Variants in CSMD3 observed in about 807,000 individuals in gnomAD.
CSMD3 encodes the protein CUB and Sushi multiple domains 3.
In CSMD3, 177 loss-of-function variants were observed where a neutral mutation model predicts 435.2. That is an observed-to-expected ratio of 0.41 (90% CI 0.36 to 0.46). CSMD3 has a LOEUF of 0.46. Among genes scored for constraint, CSMD3 ranks in the 20% least tolerant of loss-of-function variants. CSMD3 has a pLI of 0.34. For synonymous variants in CSMD3, 1,656 were observed against 1,520.5 expected (o/e 1.09, Z -2.07); for missense variants, 4,265 against 4,504.6 (o/e 0.95, Z 1.52).
rs186315870 is a variant in CSMD3, at chr8:113,320,794, T to C, written c.179-6001A>G. Among the ~76,000 whole-genome samples the C allele has an allele frequency of 4.9e-3, 741 of 152,224 alleles. 1 individual carries two copies. The highest frequency in any genetic ancestry group is 0.016 in the African/African-American group (658 of 41,568). ...TAAATTTCTGTCTTCATCTGTCTTC[T>C]CTATTTTGCAGGCTTCTTAGCAACC... is the stretch of plus-strand genomic sequence containing the variant. On this transcript the variant is annotated intron_variant, in intron 1 of 70. Transcript: ENST00000297405.
intron 35 of CSMD3, among the ~76,000 whole-genome samples, chr8:112,397,484 G>A (rs62514456): frequency 0.2 from 31,151 of 152,028 alleles, 3,915 homozygotes; most frequent in East Asian, 0.44. Flanking sequence ...TTCTATTCAG[G>A]CCATAGCAAA....
In CSMD3 at chr8:112,870,443, C is replaced by T. The variant is rs866841053; in HGVS notation, c.1634-11177G>A. ...GCCACCACATCCGGCTAATTTTTTG[C>T]ATTTTTTTTTTTTTAGTAGAGACGG... On this transcript the variant is annotated intron_variant, in intron 10 of 70. Transcript: ENST00000297405. Among the ~76,000 whole-genome samples, 23 of 149,096 alleles carry T rather than the reference C, an allele frequency of 1.5e-4. No individual in the cohort carries two copies. The South Asian group carries it at 2.5e-3, about 16-fold the overall frequency.
chr8:112,650,323 A>G lies in CSMD3; in HGVS notation c.3031T>C (p.Leu1011=), dbSNP rs773978069. Residue 1011 remains leucine, a synonymous_variant, in exon 19 of 71, where the codon TTG becomes CTG. Transcript: ENST00000297405. ...ESVTVNTYSC[L]DPGIPVHGRR... ...CCATGTACAGGTATGCCAGGGTCCA[A>G]ACAAGAATACGTGTTCACTGTAACA... 3 of 1,613,896 alleles carry G rather than the reference A, an allele frequency of 1.9e-6. No individual in the cohort carries two copies. The highest frequency in any genetic ancestry group is 1.7e-4 in the Middle Eastern group (1 of 6,060).
At chr8:112,782,227 AT>A (rs889918621) in intron 13 of CSMD3, among the ~76,000 whole-genome samples, 11 of 150,462 alleles carry the variant, frequency 7.3e-5, no homozygotes, top group African/African-American at 2.7e-4. Context: ...ATAAAAAAAA[AT>A]TAACACATAG....
At chr8:112,517,903 G>A (rs896110357) in intron 27 of CSMD3, among the ~76,000 whole-genome samples, 11 of 152,208 alleles carry the variant, frequency 7.2e-5, no homozygotes, top group African/African-American at 2.4e-4. Context: ...CACAGCAATT[G>A]CACTCTTGAA....
chr8:113,140,380 A>C (rs1363088513), intron 4 of CSMD3, among the ~76,000 whole-genome samples: 2 of 150,816 alleles, frequency 1.3e-5, no homozygotes, highest in Admixed American at 6.7e-5. Flanking sequence ...AGAATATGGA[A>C]CAACTCAGTA....
At chr8:112,370,116 T>C (rs1047810106) in intron 38 of CSMD3, among the ~76,000 whole-genome samples, 38 of 151,156 alleles carry the variant, frequency 2.5e-4, no homozygotes, top group Admixed American at 3.3e-4. Context: ...GGTATTTGTA[T>C]ACTCAGTGAT....
At chr8:112,405,468 A>C (rs1173150473) in intron 35 of CSMD3, among the ~76,000 whole-genome samples, 3 of 151,136 alleles carry the variant, frequency 2.0e-5, no homozygotes, top group Non-Finnish European at 4.4e-5. Flanking sequence ...TTCTATGTCT[A>C]TGGAACTCTA....
At chr8:113,035,779 G>C (rs556979817) in intron 5 of CSMD3, among the ~76,000 whole-genome samples, 1 of 152,050 alleles carries the variant, frequency 6.6e-6, no homozygotes, top group Non-Finnish European at 1.5e-5. Flanking sequence ...AAAAGGATCA[G>C]AGGTATTTGA....
intron 5 of CSMD3, among the ~76,000 whole-genome samples, chr8:113,051,577 C>G (rs1007291010): frequency 6.6e-6 from 1 of 152,074 alleles, no homozygotes; most frequent in African/African-American, 2.4e-5. Flanking sequence ...AATATACAAA[C>G]AGATATTTGT....
chr8:112,335,272 T>TAA, intron 45 of CSMD3, 57 bp downstream of exon 45: 2 of 1,536,778 alleles, frequency 1.3e-6, no homozygotes, highest in Non-Finnish European at 9.0e-7. Context: ...CATTCACTTT[T>TAA]TTCCAGGACA....
intron 16 of CSMD3, among the ~76,000 whole-genome samples, chr8:112,677,063 G>C (rs1411529190): frequency 6.6e-6 from 1 of 152,100 alleles, no homozygotes; most frequent in Non-Finnish European, 1.5e-5. Context: ...GAGACAGAAT[G>C]TCAATCGAAA....
At chr8:112,542,503 C>A (rs1228092241) in intron 27 of CSMD3, among the ~76,000 whole-genome samples, 1 of 151,880 alleles carries the variant, frequency 6.6e-6, no homozygotes, top group Non-Finnish European at 1.5e-5. Context: ...AATTGTGTTT[C>A]TATATACACT....
At chr8:113,293,565 T>C (rs369983577) in intron 2 of CSMD3, among the ~76,000 whole-genome samples, 1 of 152,114 alleles carries the variant, frequency 6.6e-6, no homozygotes, top group Non-Finnish European at 1.5e-5. Context: ...GCATGGTACA[T>C]GGCACACACA....
intron 42 of CSMD3, among the ~76,000 whole-genome samples, chr8:112,341,245 A>C (rs139471521): frequency 3.9e-5 from 6 of 152,094 alleles, no homozygotes; most frequent in Admixed American, 6.6e-5. Flanking sequence ...GACTAATTCA[A>C]TCCAGTTTCA....
intron 3 of CSMD3, among the ~76,000 whole-genome samples, chr8:113,224,220 A>C (rs2093001256): frequency 6.6e-6 from 1 of 151,216 alleles, no homozygotes; most frequent in African/African-American, 2.4e-5. Context: ...TCAACATTTT[A>C]ATCTAACTTT....
chr8:113,419,183 A>G (rs1185361517), intron 1 of CSMD3, among the ~76,000 whole-genome samples: 1 of 141,278 alleles, frequency 7.1e-6, no homozygotes, highest in African/African-American at 2.7e-5. Flanking sequence ...CAGTGGCGTG[A>G]TCTTGGCTCA....
intron 3 of CSMD3, among the ~76,000 whole-genome samples, chr8:113,208,835 T>C (rs945499646): frequency 2.0e-5 from 3 of 152,240 alleles, no homozygotes; most frequent in African/African-American, 4.8e-5. Flanking sequence ...TGTATATGTA[T>C]ATTTCTGTGT....
intron 27 of CSMD3, among the ~76,000 whole-genome samples, chr8:112,541,962 T>A (rs1471223988): frequency 6.6e-6 from 1 of 152,040 alleles, no homozygotes; most frequent in Non-Finnish European, 1.5e-5. Context: ...TCGGATTTAT[T>A]CCTGGGACAG....
Sources: allele counts gnomAD v4.1 joint callset (sites outside exome capture counted in the v4.1 genomes callset), GRCh38; gene constraint gnomAD v4.1.1; transcripts MANE v1.5; gene names NCBI Gene and HGNC (gene_info 2026-07-23, HGNC 2026-07-21).